ACTR3C: variants seen among roughly 807,000 people sequenced by gnomAD.
ACTR3C encodes actin related protein 3C.
A neutral mutation model predicts 26.3 loss-of-function variants in ACTR3C; 18 were observed. The observed-to-expected ratio is 0.68, with a 90% confidence interval of 0.47 to 1.01. ACTR3C has a LOEUF of 1.01. Among genes scored for constraint, ACTR3C ranks in the 50% least tolerant of loss-of-function variants. The pLI, the probability that ACTR3C is intolerant of heterozygous loss-of-function variation, is 0.00. For missense variants in ACTR3C, 184 were observed against 250.7 expected (o/e 0.73, Z 1.80); for synonymous variants, 55 against 94.5 (o/e 0.58, Z 2.42).
the ACTR3C span, among the ~76,000 whole-genome samples, chr7:150,035,980 G>GCCA: frequency 8.7e-6 from 1 of 115,248 alleles, no homozygotes; most frequent in Non-Finnish European, 1.8e-5. Context: ...CTGGCTCTCA[G>GCCA]TCCCTGCCTC....
At chr7:150,014,679 T>A in the ACTR3C span, among the ~76,000 whole-genome samples, 1 of 151,992 alleles carries the variant, frequency 6.6e-6, no homozygotes, top group Non-Finnish European at 1.5e-5. Context: ...GGGGTGAGGG[T>A]CCACAGGCGG....
intron 1 of ACTR3C, among the ~76,000 whole-genome samples, chr7:150,321,019 C>A (rs1019577068): frequency 3.3e-5 from 5 of 152,174 alleles, no homozygotes; most frequent in Admixed American, 2.6e-4. Context: ...TTTGACTAGG[C>A]CCTGACCCTG....
chr7:150,049,680 G>C, the ACTR3C span, among the ~76,000 whole-genome samples: 1 of 152,176 alleles, frequency 6.6e-6, no homozygotes, highest in African/African-American at 2.4e-5. Context: ...GGAGAATACT[G>C]GATGCCGGTG....
At chr7:150,094,953 AC>A in the ACTR3C span, among the ~76,000 whole-genome samples, 5 of 141,002 alleles carry the variant, frequency 3.5e-5, 1 homozygote, top group African/African-American at 1.4e-4. Flanking sequence ...CTGCTCCAGC[AC>A]CCCCAGCCCC....
chr7:150,033,640 G>T, the ACTR3C span, among the ~76,000 whole-genome samples: 1 of 152,012 alleles, frequency 6.6e-6, no homozygotes, highest in Non-Finnish European at 1.5e-5. Flanking sequence ...GAGCCAGAGG[G>T]GGAAAAGGGA....
At chr7:150,039,628 CA>C in the ACTR3C span, among the ~76,000 whole-genome samples, 1 of 145,404 alleles carries the variant, frequency 6.9e-6, no homozygotes, top group Non-Finnish European at 1.5e-5. Flanking sequence ...TCTACTTGGA[CA>C]ACTAACACCC....
the ACTR3C span, among the ~76,000 whole-genome samples, chr7:149,945,596 G>A: frequency 1.3e-5 from 2 of 152,136 alleles, no homozygotes; most frequent in Non-Finnish European, 2.9e-5. Context: ...CCAGCCAGGG[G>A]CTGCTGAGAA....
the ACTR3C span, among the ~76,000 whole-genome samples, chr7:150,127,961 T>C: frequency 6.6e-6 from 1 of 151,640 alleles, no homozygotes; most frequent in Non-Finnish European, 1.5e-5. Flanking sequence ...CACAAAATCT[T>C]GGAAGATAAC....
the ACTR3C span, among the ~76,000 whole-genome samples, chr7:150,197,633 T>A: frequency 6.6e-6 from 1 of 152,196 alleles, no homozygotes; most frequent in Non-Finnish European, 1.5e-5. Flanking sequence ...CAAGTTTAAA[T>A]CTCCTAGAAT....
At chr7:150,039,166 C>G in the ACTR3C span, among the ~76,000 whole-genome samples, 1 of 147,330 alleles carries the variant, frequency 6.8e-6, no homozygotes, top group South Asian at 2.1e-4. Flanking sequence ...GGAAGAGGGT[C>G]TGGCTCTCAG....
the ACTR3C span, among the ~76,000 whole-genome samples, chr7:150,047,026 T>A: frequency 7.0e-6 from 1 of 143,822 alleles, no homozygotes; most frequent in African/African-American, 2.5e-5. Context: ...TATTTTGGTA[T>A]TTTTTTTTTT....
At chr7:150,041,509 G>A in the ACTR3C span, 9 of 211,498 alleles carry the variant, frequency 4.3e-5, 1 homozygote, top group Non-Finnish European at 7.0e-5. Context: ...CCTAAGCCAG[G>A]GGGGGAAGAG....
At chr7:150,038,896 CT>C in the ACTR3C span, among the ~76,000 whole-genome samples, 1 of 55,572 alleles carries the variant, frequency 1.8e-5, no homozygotes, top group African/African-American at 6.3e-5. Context: ...TGCCTCCCCC[CT>C]GCGATGGGGG....
chr7:150,200,996 T>C, the ACTR3C span, among the ~76,000 whole-genome samples: 1 of 152,276 alleles, frequency 6.6e-6, no homozygotes, highest in Non-Finnish European at 1.5e-5. Flanking sequence ...TATTTTAAAC[T>C]CTATCTTCAT....
At chr7:150,293,892 C>T (rs1177971810) in intron 2 of ACTR3C, among the ~76,000 whole-genome samples, 1 of 152,036 alleles carries the variant, frequency 6.6e-6, no homozygotes, top group Non-Finnish European at 1.5e-5. Flanking sequence ...GCCATAATCG[C>T]ACCACTGCAC....
chr7:150,041,571 G>C, the ACTR3C span: 1 of 161,262 alleles, frequency 6.2e-6, no homozygotes, highest in Non-Finnish European at 1.2e-5. Flanking sequence ...CCTCTGCGAT[G>C]GGGGTCCTAA....
the ACTR3C span, among the ~76,000 whole-genome samples, chr7:150,230,572 T>C: frequency 2.1e-4 from 32 of 152,120 alleles, no homozygotes; most frequent in Admixed American, 3.9e-4. Context: ...GTGAACTGCC[T>C]GCATGCAAGG....
At chr7:150,033,269 C>A in the ACTR3C span, among the ~76,000 whole-genome samples, 1 of 152,224 alleles carries the variant, frequency 6.6e-6, no homozygotes, top group Admixed American at 6.5e-5. Context: ...AGCTCCTGGA[C>A]CCTTTTCTTC....
At chr7:150,159,653 G>A in the ACTR3C span, among the ~76,000 whole-genome samples, 1 of 152,178 alleles carries the variant, frequency 6.6e-6, no homozygotes, top group African/African-American at 2.4e-5. Flanking sequence ...TCAGGAAAGA[G>A]TGGCACATCT....
Sources: allele counts gnomAD v4.1 joint callset (sites outside exome capture counted in the v4.1 genomes callset), GRCh38; gene constraint gnomAD v4.1.1; transcripts MANE v1.5; gene names NCBI Gene and HGNC (gene_info 2026-07-23, HGNC 2026-07-21).